Variants in TTK observed in about 807,000 individuals in gnomAD.
TTK encodes TTK protein kinase.
A neutral mutation model predicts 117.3 loss-of-function variants in TTK; 59 were observed. That is an observed-to-expected ratio of 0.50 (90% CI 0.41 to 0.62). The LOEUF (loss-of-function observed/expected upper bound fraction) is 0.62, where lower values mean the gene tolerates loss of function less well. Among genes scored for constraint, TTK ranks in the 20% least tolerant of loss-of-function variants. The pLI is 0.00. For missense variants in TTK, 921 were observed against 989.4 expected (o/e 0.93, Z 0.93); for synonymous variants, 302 against 325.0 (o/e 0.93, Z 0.76).
At position 80,028,579 on chromosome 6, in the gene TTK, A is replaced by T. The variant is rs532236678; in HGVS notation, c.1521+568A>T. ...ACCATCCGCCCGCCTCAGCCCCCCA[A>T]AGTTCTGGGGTTACAGGCATGAGCC... is the stretch of plus-strand genomic sequence containing the variant. On this transcript the variant is annotated intron_variant, in intron 13 of 21. Transcript: ENST00000369798. 4.6e-5 allele frequency among the ~76,000 whole-genome samples: 7 copies of T among 151,926 alleles called. No individual in the cohort carries two copies. In the East Asian group the frequency reaches 1.4e-3, roughly 29 times the overall value.
intron 19 of TTK, 146 bp from the exon 20 acceptor site, chr6:80,040,050 T>G: frequency 6.4e-6 from 6 of 938,926 alleles, no homozygotes; most frequent in Non-Finnish European, 8.9e-6. Flanking sequence ...CAAAAGTGCC[T>G]TGGGAGAAAT....
intron 3 of TTK, 90 bp from the exon 4 acceptor site, chr6:80,008,296 C>A: frequency 7.8e-7 from 1 of 1,288,920 alleles, no homozygotes; most frequent in Non-Finnish European, 1.1e-6. Flanking sequence ...AAGCAATATC[C>A]CATGTTTTTT....
chr6:80,019,011 T>C (rs1373400266), intron 10 of TTK, among the ~76,000 whole-genome samples: 1 of 152,242 alleles, frequency 6.6e-6, no homozygotes, highest in African/African-American at 2.4e-5. Flanking sequence ...CAAATGTTAA[T>C]CAAACTTTGC....
rs763620418 is a variant in TTK, at chr6:80,031,484, A to T, written c.1539A>T (p.Ser513=). The T allele has an allele frequency of 6.6e-7, 1 of 1,509,236 alleles. No individual in the cohort carries two copies. The highest frequency in any genetic ancestry group is 8.8e-7 in the Non-Finnish European group (1 of 1,135,518). The allele number at this position is 1,509,236 out of a possible 1,614,324, so 93.5% of individuals were successfully genotyped here. A position where few individuals can be genotyped will look rare whatever the true frequency, so the allele number is the denominator to read the frequency against. ...LQNLQVLASS[S]ANECISVKGR... is the part of the protein sequence containing the mutation. ...TTATTTAGGTTTTAGCATCTTCTTC[A>T]GCAAATGAATGCATTTCGGTTAAAG... is the stretch of plus-strand genomic sequence containing the variant. The change falls in exon 14 of 22, where the codon TCA becomes TCT. Residue 513 remains serine, a synonymous_variant. Coordinates refer to ENST00000369798, the MANE Select transcript of TTK (RefSeq NM_003318.5).
Sources: gnomAD v4.1 joint callset for allele counts (sites outside exome capture counted in the v4.1 genomes callset) on GRCh38, gnomAD v4.1.1 for gene constraint, MANE v1.5 for transcripts, NCBI Gene and HGNC (gene_info 2026-07-23, HGNC 2026-07-21) for gene names.